Variants in ERFL observed in about 807,000 individuals in gnomAD.
ERFL encodes ETS domain-containing transcription factor ERF-like.
ERFL carries 8 observed loss-of-function variants against 27.9 expected under a neutral mutation model. That is an observed-to-expected ratio of 0.29 (90% CI 0.17 to 0.52). The LOEUF (loss-of-function observed/expected upper bound fraction) is 0.52. ERFL is among the 20% of genes least tolerant of loss of function. The pLI, the probability that ERFL is intolerant of heterozygous loss-of-function variation, is 0.97. For missense variants in ERFL, 294 were observed against 444.4 expected, an observed-to-expected ratio of 0.66 and a Z score of 3.04; for synonymous variants, 174 against 202.8, an observed-to-expected ratio of 0.86 and a Z score of 1.21.
At position 41,912,944 on chromosome 19, in the gene ERFL, G is replaced by T. The variant is rs1358270344; in HGVS notation, c.-13-12C>A. 1 of 1,203,242 alleles carries T rather than the reference G, an allele frequency of 8.3e-7. No homozygotes were observed. Among genetic ancestry groups the T allele is most frequent in the Non-Finnish European group, 1.0e-6 (1 of 962,084 alleles). 74.5% of individuals were successfully genotyped at this position (1,203,242 alleles called of 1,614,324 possible). A position where few individuals can be genotyped will look rare whatever the true frequency, so the allele number is the denominator to read the frequency against. On this transcript the variant is annotated splice_polypyrimidine_tract_variant and intron_variant, in intron 1 of 5. Transcript: ENST00000597630. ...TGGCGGAGCCGGCCCTGCAGAGGCC[G>T]GGAGGGACACACGGGGACGGGGTGG... is the stretch of plus-strand genomic sequence containing the variant.
chr19:41,909,137 G>A lies in ERFL; in HGVS notation c.539C>T (p.Pro180Leu), dbSNP rs1322617413. ...TLFSAPRLGEPGARTPLFTSE... is the reference protein window; with the variant it reads ...TLFSAPRLGELGARTPLFTSE... Reference sequence around the variant, plus strand: ...GGTGAACAGGGGTGTCCGGGCCCCTGGCTCTCCCAGGCGTGGGGCAGAGAA... The same window carrying A: ...GGTGAACAGGGGTGTCCGGGCCCCTAGCTCTCCCAGGCGTGGGGCAGAGAA... The change falls in exon 5 of 6, where the codon CCA becomes CTA. Residue 180 changes from proline to leucine, a missense_variant. Coordinates refer to ENST00000597630, the MANE Select transcript of ERFL (RefSeq NM_001365103.2). This position sits in a 1 kb window ranked among gnomAD's most constrained non-coding sequence, Gnocchi z 5.2. 1.6e-6 allele frequency: 2 copies of A among 1,231,784 alleles called. No homozygotes were observed. The highest frequency in any genetic ancestry group is 2.0e-6 in the Non-Finnish European group (2 of 988,146). 76.3% of individuals were successfully genotyped at this position (1,231,784 alleles called of 1,614,324 possible). A position where few individuals can be genotyped will look rare whatever the true frequency, so the allele number is the denominator to read the frequency against.
At chr19:41,913,041 C>T (rs1404764995) in intron 1 of ERFL, 109 bp from the exon 2 acceptor site, 4 of 418,934 alleles carry the variant, frequency 9.5e-6, no homozygotes, top group Non-Finnish European at 1.2e-5. Flanking sequence ...GTCCCCACCC[C>T]AGCCTGACAC....
At chr19:41,913,657 C>A (rs1220516457) in intron 1 of ERFL, among the ~76,000 whole-genome samples, 1 of 151,596 alleles carries the variant, frequency 6.6e-6, no homozygotes, top group Non-Finnish European at 1.5e-5. Flanking sequence ...TCCTCAGACA[C>A]CCCTTCCCCT....
In ERFL at chr19:41,909,049, C is replaced by T. The variant is rs1398122426; in HGVS notation, c.616+11G>A. The T allele has an allele frequency of 2.5e-6, 3 of 1,218,406 alleles. No homozygotes were observed. The highest frequency in any genetic ancestry group is 3.1e-6 in the Non-Finnish European group (3 of 976,062). The allele number at this position is 1,218,406 out of a possible 1,614,324, so 75.5% of individuals were successfully genotyped here. ...TGTGCCCCCAGCACCCCAGAACCTC[C>T]AGGCTCTTACCAGAGCCCAGGAATG... On this transcript the variant is annotated intron_variant, in intron 5 of 5. Coordinates refer to ENST00000597630, the MANE Select transcript of ERFL (RefSeq NM_001365103.2). The surrounding 1 kb of genome is among the most constrained non-coding windows in gnomAD (Gnocchi z 5.2).
At position 41,908,547 on chromosome 19, in the gene ERFL, G is replaced by A. The variant is rs574000479; in HGVS notation, c.746C>T (p.Pro249Leu). The A allele has an allele frequency of 4.1e-6, 5 of 1,231,734 alleles. No homozygotes were observed. The highest frequency in any genetic ancestry group is 1.6e-5 in the African/African-American group (1 of 64,492). The allele number at this position is 1,231,734 out of a possible 1,614,324, so 76.3% of individuals were successfully genotyped here. ...GGCCAGAGGGTTGGGGTAGAAATGC[G>A]GGGGGTAGAGAGAGGGAGGCAGCTT... ...FPKLPPSLYP[P>L]HFYPNPLASS... The change falls in exon 6 of 6, where the codon CCG (proline) becomes CTG (leucine). Residue 249 changes from proline to leucine, a missense_variant. This residue lies in a region of ERFL where 246 missense variants were observed against 371.4 expected (regional missense o/e 0.66). Transcript: ENST00000597630. The surrounding 1 kb of genome is among the most constrained non-coding windows in gnomAD (Gnocchi z 6.7).
intron 1 of ERFL, among the ~76,000 whole-genome samples, chr19:41,920,481 C>T (rs568720052): frequency 1.0e-4 from 15 of 146,322 alleles, no homozygotes; most frequent in Non-Finnish European, 1.8e-4. Flanking sequence ...AACTCACAGA[C>T]GTGACACACA....
intron 1 of ERFL, among the ~76,000 whole-genome samples, chr19:41,927,344 A>T (rs77521434): frequency 0.01 from 1,584 of 152,144 alleles, 28 homozygotes; most frequent in African/African-American, 0.036. Context: ...ATTGGCCCAA[A>T]TGTCCTTCCC....
In ERFL at chr19:41,927,480, A is replaced by G. The variant is rs557598009; in HGVS notation, c.-14+560T>C. Among the ~76,000 whole-genome samples, 3 of 152,028 alleles carry G rather than the reference A, an allele frequency of 2.0e-5. No individual in the cohort carries two copies. In the South Asian group the frequency reaches 6.2e-4, roughly 32 times the overall value. On this transcript the variant is annotated intron_variant, in intron 1 of 5. Coordinates refer to ENST00000597630, the MANE Select transcript of ERFL (RefSeq NM_001365103.2). ...CTGGCCCCCTCAAGTCCAAACTCCT[A>G]TGCTGATCCCCAGTCCCAGATATCC...
In ERFL at chr19:41,921,939, C is replaced by G. The variant is rs1478944354; in HGVS notation, c.-14+6101G>C. Among the ~76,000 whole-genome samples, 2 of 151,444 alleles carry G rather than the reference C, an allele frequency of 1.3e-5. No individual in the cohort carries two copies. The highest frequency in any genetic ancestry group is 2.9e-5 in the Non-Finnish European group (2 of 67,800). The stretch of plus-strand genomic sequence containing the variant: ...CCCAGACCCCAGCTCCATCCTCTAC[C>G]TCTCCTCCTGGTCCTCATCCCCAAC... On this transcript the variant is annotated intron_variant, in intron 1 of 5. Coordinates refer to ENST00000597630, the MANE Select transcript of ERFL (RefSeq NM_001365103.2). This position sits in a 1 kb window ranked among gnomAD's most constrained non-coding sequence, Gnocchi z 4.4.
chr19:41,919,510 C>T (rs546245372), intron 1 of ERFL, among the ~76,000 whole-genome samples: 9 of 133,752 alleles, frequency 6.7e-5, no homozygotes, highest in East Asian at 2.1e-4. Context: ...CACGTGCACG[C>T]GTACACACAC....
At position 41,908,648 on chromosome 19, in the gene ERFL, G is replaced by GC. The variant is rs2074733460; in HGVS notation, c.644dup (p.Leu216ProfsTer11). ...AGGCGCGGCCATAAGGACCCAGCAG[G>GC]CCAGGGGGCTTGGAATAGCTGGTGG... On this transcript the variant is annotated frameshift_variant, in exon 6 of 6. Transcript: ENST00000597630. LOFTEE classifies it high-confidence loss of function. This position sits in a 1 kb window ranked among gnomAD's most constrained non-coding sequence, Gnocchi z 6.7. The GC allele has an allele frequency of 8.1e-7, 1 of 1,231,574 alleles. No homozygotes were observed. Among genetic ancestry groups the GC allele is most frequent in the African/African-American group, 1.6e-5 (1 of 64,310 alleles). 76.3% of individuals were successfully genotyped at this position (1,231,574 alleles called of 1,614,324 possible).
chr19:41,917,357 A>C lies in ERFL; in HGVS notation c.-13-4425T>G. On this transcript the variant is annotated intron_variant, in intron 1 of 5. Transcript: ENST00000597630. This position sits in a 1 kb window ranked among gnomAD's most constrained non-coding sequence, Gnocchi z 4.8. ...CTCTGTCTCCTAACGCCCCATCACCACGCCCCCCTGGGCTGGGGTTTAACC... is the reference window on the plus strand; with the variant it reads ...CTCTGTCTCCTAACGCCCCATCACCCCGCCCCCCTGGGCTGGGGTTTAACC... 1.3e-5 allele frequency among the ~76,000 whole-genome samples: 2 copies of C among 149,484 alleles called. No individual in the cohort carries two copies. The highest frequency in any genetic ancestry group is 6.7e-5 in the Admixed American group (1 of 15,028).
In ERFL at chr19:41,910,060, T is replaced by C; in HGVS notation, c.105A>G (p.Ser35=). Reference sequence around the variant, plus strand: ...GCTGGATCTGCCTCGAGCCAGGGGATGACTCTGGCTTGTAGGCCCAATCCG... The same window carrying C: ...GCTGGATCTGCCTCGAGCCAGGGGACGACTCTGGCTTGTAGGCCCAATCCG... ...AFPDWAYKPE[S]SPGSRQIQLW... The change falls in exon 3 of 6, where the codon TCA becomes TCG. Residue 35 remains serine, a synonymous_variant. Transcript: ENST00000597630. The surrounding 1 kb of genome is among the most constrained non-coding windows in gnomAD (Gnocchi z 4.4). The C allele has an allele frequency of 1.9e-6, 3 of 1,613,412 alleles. No homozygotes were observed. The highest frequency in any genetic ancestry group is 1.3e-5 in the African/African-American group (1 of 75,020).
rs77535707 is a variant in ERFL at position 41,925,429 on chromosome 19, C to T, written c.-14+2611G>A. On this transcript the variant is annotated intron_variant, in intron 1 of 5. Coordinates refer to ENST00000597630, the MANE Select transcript of ERFL (RefSeq NM_001365103.2). The stretch of plus-strand genomic sequence containing the variant: ...GCCAAGGACAGACTCCTGCCCCAAA[C>T]GTGTGTGTGTAAAGTAATGTTGTGT... 9.8e-4 allele frequency among the ~76,000 whole-genome samples: 149 copies of T among 152,034 alleles called. No individual in the cohort carries two copies. In the East Asian group the frequency reaches 0.024, roughly 24 times the overall value.
Position 41,927,976 on chromosome 19 carries a change from C to T in ERFL, c.-14+64G>A, listed in dbSNP as rs2074881716. Reference sequence around the variant, plus strand: ...CTCCCGGGACCACCCCCGCGCCCGCCCCCTCCTGGGGCGGGAATCCCCGCC... The same window carrying T: ...CTCCCGGGACCACCCCCGCGCCCGCTCCCTCCTGGGGCGGGAATCCCCGCC... On this transcript the variant is annotated intron_variant, in intron 1 of 5. Transcript: ENST00000597630. 6 of 152,126 alleles carry T rather than the reference C, an allele frequency of 3.9e-5. No individual in the cohort carries two copies. In the South Asian group the frequency reaches 1.2e-3, roughly 32 times the overall value. The allele number at this position is 152,126 out of a possible 1,614,324, so 9.4% of individuals were successfully genotyped here. A position where few individuals can be genotyped will look rare whatever the true frequency, so the allele number is the denominator to read the frequency against.
Position 41,919,742 on chromosome 19 carries a change from T to A in ERFL, c.-13-6810A>T, listed in dbSNP as rs181356371. Among the ~76,000 whole-genome samples the A allele has an allele frequency of 4.1e-3, 619 of 152,180 alleles. 3 individuals carry two copies. The highest frequency in any genetic ancestry group is 0.015 in the African/African-American group (607 of 41,460). On this transcript the variant is annotated intron_variant, in intron 1 of 5. Coordinates refer to ENST00000597630, the MANE Select transcript of ERFL (RefSeq NM_001365103.2). ...TCTCAGGGTCGCACTCACTTGGTCC[T>A]TCCACCCTGTTTCTCTGGGACTGAG... is the stretch of plus-strand genomic sequence containing the variant.
In ERFL at chr19:41,908,681, G is replaced by A. The variant is rs2074733620; in HGVS notation, c.617-5C>T. ...GCTTGGAATAGCTGGTGGCACCTGG[G>A]GGGCACAGGGGTAGGTCAGGCTGGG... On this transcript the variant is annotated splice_region_variant and splice_polypyrimidine_tract_variant and intron_variant, in intron 5 of 5. Coordinates refer to ENST00000597630, the MANE Select transcript of ERFL (RefSeq NM_001365103.2). This position sits in a 1 kb window ranked among gnomAD's most constrained non-coding sequence, Gnocchi z 6.7. 1 of 1,229,634 alleles carries A rather than the reference G, an allele frequency of 8.1e-7. No individual in the cohort carries two copies. Among genetic ancestry groups the A allele is most frequent in the African/African-American group, 1.6e-5 (1 of 64,264 alleles). 76.2% of individuals were successfully genotyped at this position (1,229,634 alleles called of 1,614,324 possible).
intron 1 of ERFL, among the ~76,000 whole-genome samples, chr19:41,913,726 T>G (rs1555851490): frequency 6.8e-6 from 1 of 148,008 alleles, no homozygotes; most frequent in East Asian, 2.1e-4. Flanking sequence ...CTAGATATCT[T>G]ACGCCCCTAA....
chr19:41,925,907 G>A (rs1160899202), intron 1 of ERFL, among the ~76,000 whole-genome samples: 1 of 152,016 alleles, frequency 6.6e-6, no homozygotes, highest in Non-Finnish European at 1.5e-5. Flanking sequence ...GGGACTGGTG[G>A]GGGCAGGCCT....
Sources: gnomAD v4.1 joint callset for allele counts (sites outside exome capture counted in the v4.1 genomes callset) on GRCh38, gnomAD v4.1.1 for gene constraint, gnomAD v4.1.1 regional missense constraint, Gnocchi (gnomAD v3.1) non-coding constraint, MANE v1.5 for transcripts, NCBI Gene and HGNC (gene_info 2026-07-23, HGNC 2026-07-21) for gene names.